Variants in TAF1A observed in about 807,000 individuals in gnomAD.
TAF1A encodes the protein TATA-box binding protein associated factor, RNA polymerase I subunit A, also known as TATA box-binding protein-associated factor RNA polymerase I subunit A.
TAF1A carries 42 observed loss-of-function variants against 61.6 expected under a neutral mutation model. The ratio of observed to expected loss-of-function variants is 0.68; its 90% CI spans 0.53 to 0.88. TAF1A has a LOEUF of 0.88. Ranked by LOEUF, TAF1A falls within the 40% of genes least tolerant of loss-of-function variation. TAF1A has a pLI of 0.00. For synonymous variants in TAF1A, 179 were observed against 177.7 expected, an observed-to-expected ratio of 1.01 and a Z score of -0.06; for missense variants, 424 against 518.7, an observed-to-expected ratio of 0.82 and a Z score of 1.77.
In TAF1A at chr1:222,577,673, T is replaced by G. The variant is rs761207533; in HGVS notation, c.406-30A>C. 3.1e-6 allele frequency: 5 copies of G among 1,595,134 alleles called. No individual in the cohort carries two copies. The East Asian group carries it at 6.7e-5, about 21-fold the overall frequency. Reference sequence around the variant, plus strand: ...AAAAATAATAAGGGTACACCGCCATTTAAGCCATTAGATAACCATTAGTCA... The same window carrying G: ...AAAAATAATAAGGGTACACCGCCATGTAAGCCATTAGATAACCATTAGTCA... On this transcript the variant is annotated intron_variant, in intron 4 of 10. Coordinates refer to ENST00000352967, the MANE Select transcript of TAF1A (RefSeq NM_005681.4).
intron 2 of TAF1A, among the ~76,000 whole-genome samples, chr1:222,588,004 A>G (rs1029778625): frequency 6.6e-6 from 1 of 151,890 alleles, no homozygotes; most frequent in Admixed American, 6.6e-5. Flanking sequence ...GCCAAGATCT[A>G]GCCACTGCAC....
intron 7 of TAF1A, among the ~76,000 whole-genome samples, chr1:222,565,971 C>T (rs577383828): frequency 2.6e-5 from 4 of 152,214 alleles, no homozygotes; most frequent in Middle Eastern, 3.4e-3. Context: ...ATTTTGATCA[C>T]GAAAGTATAA....
intron 1 of TAF1A, among the ~76,000 whole-genome samples, 198 bp from the exon 2 acceptor site, chr1:222,588,763 C>T (rs774242267): frequency 3.3e-5 from 5 of 152,090 alleles, no homozygotes; most frequent in South Asian, 2.1e-4. Flanking sequence ...CATTAAAGAC[C>T]GAACCACTAA....
Position 222,576,315 on chromosome 1 carries a change from A to C in TAF1A, c.604+1130T>G, listed in dbSNP as rs545689387. ...AGTATCTTGAAAGAAGAGGGAAGGG[A>C]ATCGAAATTAGTGAAACTACATGCC... is the stretch of plus-strand genomic sequence containing the variant. On this transcript the variant is annotated intron_variant, in intron 5 of 10. Transcript: ENST00000352967. Among the ~76,000 whole-genome samples, 16 of 152,284 alleles carry C rather than the reference A, an allele frequency of 1.1e-4. No homozygotes were observed. In the South Asian group the frequency reaches 2.5e-3, roughly 24 times the overall value.
At chr1:222,568,808 T>A (rs1660225349) in intron 7 of TAF1A, 1 of 152,322 alleles carries the variant, frequency 6.6e-6, no homozygotes, top group African/African-American at 2.4e-5. Flanking sequence ...TACATGAATG[T>A]TCTCAGCAGC....
intron 10 of TAF1A, among the ~76,000 whole-genome samples, chr1:222,560,804 C>T (rs1343728500): frequency 6.6e-6 from 1 of 152,058 alleles, no homozygotes; most frequent in African/African-American, 2.4e-5. Flanking sequence ...CGGTACTGGC[C>T]ACCTTTTAAT....
intron 9 of TAF1A, among the ~76,000 whole-genome samples, chr1:222,561,766 C>T (rs965571797): frequency 6.6e-6 from 1 of 152,184 alleles, no homozygotes; most frequent in Non-Finnish European, 1.5e-5. Context: ...GGTTACAGAA[C>T]AGACTCGAAG....
chr1:222,574,934 G>T (rs1395118252), intron 5 of TAF1A, among the ~76,000 whole-genome samples: 1 of 152,186 alleles, frequency 6.6e-6, no homozygotes, highest in African/African-American at 2.4e-5. Flanking sequence ...TAGGGTGACA[G>T]TATTTTGTGT....
rs551682030 is a variant in TAF1A at position 222,587,740 on chromosome 1, T to C, written c.121+703A>G. ...AAATCATGCTTGCATTTACATTAGATAAAAATGGGGGAAAATGCTCTTTTA... is the reference window on the plus strand; with the variant it reads ...AAATCATGCTTGCATTTACATTAGACAAAAATGGGGGAAAATGCTCTTTTA... On this transcript the variant is annotated intron_variant, in intron 2 of 10. Transcript: ENST00000352967. 2.0e-5 allele frequency among the ~76,000 whole-genome samples: 3 copies of C among 152,176 alleles called. No individual in the cohort carries two copies. The South Asian group carries it at 6.2e-4, about 32-fold the overall frequency.
chr1:222,564,156 C>T (rs372870542), intron 7 of TAF1A, 31 bp from the exon 8 acceptor site: 13 of 1,377,610 alleles, frequency 9.4e-6, no homozygotes, highest in Non-Finnish European at 1.3e-5. Context: ...GTAATCTTTA[C>T]ATACTTGTAA....
chr1:222,562,890 G>A (rs1659971172), intron 9 of TAF1A, among the ~76,000 whole-genome samples: 1 of 152,130 alleles, frequency 6.6e-6, no homozygotes, highest in South Asian at 2.1e-4. Context: ...ATCCCTGCTA[G>A]TCTTTATTTC....
Position 222,570,574 on chromosome 1 carries a change from A to T in TAF1A, c.696T>A (p.Ile232=), listed in dbSNP as rs1324275242. Residue 232 remains isoleucine, a synonymous_variant, in exon 6 of 11, where the codon ATT becomes ATA. Coordinates refer to ENST00000352967, the MANE Select transcript of TAF1A (RefSeq NM_005681.4). ...TCACAAAAGGGTCCCAAACTCCAGG[A>T]ATTTTAATCAATGCAGAAATATTTG... is the stretch of plus-strand genomic sequence containing the variant. ...TSANISALIK[I]PGVWDPFVKS... is the part of the protein sequence containing the mutation. 6.2e-7 allele frequency: 1 copy of T among 1,612,792 alleles called. No homozygotes were observed. The highest frequency in any genetic ancestry group is 2.2e-5 in the East Asian group (1 of 44,822).
intron 10 of TAF1A, 58 bp from the exon 11 acceptor site, chr1:222,558,830 T>C: frequency 1.2e-6 from 1 of 819,708 alleles, no homozygotes; most frequent in Non-Finnish European, 1.8e-6. Flanking sequence ...CAAGTATATT[T>C]CTACATTTTA....
chr1:222,563,994 C>A, intron 8 of TAF1A, 65 bp downstream of exon 8: 1 of 977,340 alleles, frequency 1.0e-6, no homozygotes, highest in Non-Finnish European at 1.6e-6. Context: ...ATGGGCTAAA[C>A]TAGTTTGCTG....
intron 1 of TAF1A, among the ~76,000 whole-genome samples, chr1:222,588,887 G>A (rs1022251805): frequency 6.6e-6 from 1 of 152,144 alleles, no homozygotes; most frequent in African/African-American, 2.4e-5. Context: ...GAAAAGTACA[G>A]TAAGAATAGA....
At chr1:222,557,856 T>C (rs1659759025), downstream of TAF1A, 1 of 151,744 alleles carries the variant, frequency 6.6e-6, no homozygotes, top group Non-Finnish European at 1.5e-5. Context: ...AACTGTCATG[T>C]CTTTATACTG....
chr1:222,555,058 C>T (rs969475259), downstream of TAF1A, among the ~76,000 whole-genome samples: 4 of 152,152 alleles, frequency 2.6e-5, no homozygotes, highest in Admixed American at 6.5e-5. Context: ...CTCAACATCT[C>T]CAGTCACGAC....
intron 5 of TAF1A, among the ~76,000 whole-genome samples, chr1:222,576,155 G>A (rs1416054722): frequency 6.6e-6 from 1 of 152,184 alleles, no homozygotes; most frequent in African/African-American, 2.4e-5. Flanking sequence ...ACATGCAGCT[G>A]ATATATTAAG....
downstream of TAF1A, among the ~76,000 whole-genome samples, chr1:222,556,561 T>G (rs1382342313): frequency 1.3e-5 from 2 of 152,162 alleles, no homozygotes; most frequent in African/African-American, 2.4e-5. Context: ...ACTGTGGTGG[T>G]TTTACAATGA....
Sources: allele counts gnomAD v4.1 joint callset (sites outside exome capture counted in the v4.1 genomes callset), GRCh38; gene constraint gnomAD v4.1.1; transcripts MANE v1.5; gene names NCBI Gene and HGNC (gene_info 2026-07-23, HGNC 2026-07-21).